Variants in PRKAR1A observed in about 807,000 individuals in gnomAD.
The protein encoded by PRKAR1A is cAMP-dependent protein kinase type I-alpha regulatory subunit.
A neutral mutation model predicts 52.0 loss-of-function variants in PRKAR1A; 3 were observed. The ratio of observed to expected loss-of-function variants is 0.06; its 90% CI spans 0.03 to 0.15. PRKAR1A has a LOEUF of 0.15. Among genes scored for constraint, PRKAR1A ranks in the 10% least tolerant of loss-of-function variants. The pLI is 1.00. For missense variants in PRKAR1A, 240 were observed against 477.4 expected (o/e 0.50, Z 4.63); for synonymous variants, 188 against 168.4 (o/e 1.12, Z -0.90).
intron 2 of PRKAR1A, among the ~76,000 whole-genome samples, chr17:68,517,247 T>A (rs186365824): frequency 3.3e-5 from 5 of 152,326 alleles, no homozygotes; most frequent in Admixed American, 3.3e-4. Flanking sequence ...GGGTTGAATA[T>A]AGATACCTGG....
chr17:68,503,828 A>G, the PRKAR1A span, among the ~76,000 whole-genome samples: 31 of 152,342 alleles, frequency 2.0e-4, no homozygotes, highest in African/African-American at 6.7e-4. Flanking sequence ...GCAGATCAAA[A>G]CTACAATGAG....
chr17:68,422,659 G>A, the PRKAR1A span: 2 of 149,366 alleles, frequency 1.3e-5, no homozygotes, highest in Non-Finnish European at 3.0e-5. Context: ...AACCTAGGAG[G>A]TGGAGGTTGC....
At chr17:68,546,796 C>G (rs900586588) in intron 11 of PRKAR1A, among the ~76,000 whole-genome samples, 17 of 144,140 alleles carry the variant, frequency 1.2e-4, no homozygotes, top group African/African-American at 4.4e-4. Context: ...AGCCACTGGA[C>G]TCCAGCCTGG....
chr17:68,424,593 C>A, the PRKAR1A span: 31 of 481,720 alleles, frequency 6.4e-5, 1 homozygote, highest in African/African-American at 5.8e-4. Context: ...ACACTACTTC[C>A]GGCCGGGTGC....
intron 11 of PRKAR1A, among the ~76,000 whole-genome samples, chr17:68,544,461 G>A (rs955450320): frequency 2.6e-5 from 4 of 152,100 alleles, no homozygotes; most frequent in Non-Finnish European, 4.4e-5. Flanking sequence ...ACTTTGCCTC[G>A]AGGCTAATAA....
intron 2 of PRKAR1A, among the ~76,000 whole-genome samples, chr17:68,517,005 A>G (rs1395069788): frequency 6.6e-6 from 1 of 152,232 alleles, no homozygotes; most frequent in African/African-American, 2.4e-5. Context: ...ATCTTTTTAT[A>G]GGGAGTGTTG....
At chr17:68,439,035 G>A in the PRKAR1A span, among the ~76,000 whole-genome samples, 1 of 152,322 alleles carries the variant, frequency 6.6e-6, no homozygotes, top group East Asian at 1.9e-4. Context: ...ATGCACCGCT[G>A]GTGGGAATGT....
chr17:68,478,349 G>A, the PRKAR1A span, among the ~76,000 whole-genome samples: 1 of 152,110 alleles, frequency 6.6e-6, no homozygotes, highest in African/African-American at 2.4e-5. Flanking sequence ...CTACTCGAGA[G>A]GCTCAGACAG....
chr17:68,486,201 GT>G, the PRKAR1A span, among the ~76,000 whole-genome samples: 55,654 of 148,944 alleles, frequency 0.37, 10,457 homozygotes, highest in African/African-American at 0.42. Context: ...AGCTCATGAG[GT>G]TTTTTTTTTT....
chr17:68,496,818 C>CTTTTTT, the PRKAR1A span, among the ~76,000 whole-genome samples: 212 of 91,202 alleles, frequency 2.3e-3, 7 homozygotes, highest in Middle Eastern at 0.012. Context: ...TTAGTTTTTA[C>CTTTTTT]TTTTTTTTTT....
At chr17:68,529,103 A>T (rs1412535963) in intron 9 of PRKAR1A, 112 bp downstream of exon 9, 1 of 1,297,868 alleles carries the variant, frequency 7.7e-7, no homozygotes, top group Non-Finnish European at 1.1e-6. Context: ...TCTGAACTAT[A>T]GCTTTAGTTT....
the PRKAR1A span, among the ~76,000 whole-genome samples, chr17:68,455,449 G>A: frequency 3.3e-4 from 50 of 151,682 alleles, no homozygotes; most frequent in African/African-American, 1.2e-3. Flanking sequence ...AGGGTTTGCT[G>A]TTTTCACCTA....
chr17:68,543,626 T>C, intron 11 of PRKAR1A: 1 of 1,613,944 alleles, frequency 6.2e-7, no homozygotes, highest in South Asian at 1.1e-5. Context: ...GGCCAGACCC[T>C]ACCTGTCCAG....
At chr17:68,515,046 A>G (rs1347324834) in intron 1 of PRKAR1A, 37 of 326,680 alleles carry the variant, frequency 1.1e-4, no homozygotes, top group Non-Finnish European at 1.8e-4. Flanking sequence ...TTCCCACGTC[A>G]TCATGATTTC....
chr17:68,515,642 T>C, intron 2 of PRKAR1A, 66 bp downstream of exon 2: 1 of 1,524,778 alleles, frequency 6.6e-7, no homozygotes, highest in Non-Finnish European at 9.0e-7. Flanking sequence ...AACTGGAATG[T>C]TACTAATTTG....
downstream of PRKAR1A, chr17:68,535,095 C>G (rs1409739851): frequency 5.5e-6 from 2 of 360,960 alleles, no homozygotes; most frequent in Non-Finnish European, 1.1e-5. Context: ...AGTTTGCTGT[C>G]AGTAGTAACT....
intron 2 of PRKAR1A, among the ~76,000 whole-genome samples, chr17:68,517,953 G>A (rs183896151): frequency 6.6e-6 from 1 of 152,336 alleles, no homozygotes; most frequent in East Asian, 1.9e-4. Context: ...GTCAAAACAA[G>A]GGGAGTATAG....
upstream of PRKAR1A, among the ~76,000 whole-genome samples, chr17:68,508,347 C>G (rs2085222950): frequency 6.6e-6 from 1 of 152,172 alleles, no homozygotes; most frequent in Non-Finnish European, 1.5e-5. Flanking sequence ...GAATACTATT[C>G]AGTGATAAAA....
chr17:68,500,097 T>C, the PRKAR1A span, among the ~76,000 whole-genome samples: 5 of 152,222 alleles, frequency 3.3e-5, no homozygotes, highest in Admixed American at 2.0e-4. Context: ...ATTTATTGAT[T>C]ATATACTGGA....
Sources: gnomAD v4.1 joint callset for allele counts (sites outside exome capture counted in the v4.1 genomes callset) on GRCh38, gnomAD v4.1.1 for gene constraint, MANE v1.5 for transcripts, NCBI Gene and HGNC (gene_info 2026-07-23, HGNC 2026-07-21) for gene names.